FBXO5: variants seen among roughly 807,000 people sequenced by gnomAD.
FBXO5 encodes F-box protein 5, also known as F-box only protein 5.
Under a neutral mutation model 43.3 loss-of-function variants are expected in FBXO5, and 8 were observed. That is an observed-to-expected ratio of 0.18 (90% CI 0.11 to 0.33). The LOEUF is 0.33. FBXO5 is among the 10% of genes least tolerant of loss of function. The pLI is 1.00. For synonymous variants in FBXO5, 204 were observed against 193.7 expected (o/e 1.05, Z -0.44); for missense variants, 491 against 535.7 (o/e 0.92, Z 0.82).
At chr6:152,982,794 C>T in intron 1 of FBXO5, 63 bp downstream of exon 1, 3 of 1,172,732 alleles carry the variant, frequency 2.6e-6, no homozygotes, top group Non-Finnish European at 2.3e-6. Context: ...TCTCAGGCTG[C>T]GACCCTCCCC....
At chr6:152,982,764 C>A in intron 1 of FBXO5, 93 bp downstream of exon 1, 1 of 886,152 alleles carries the variant, frequency 1.1e-6, no homozygotes. Flanking sequence ...GTCCAGGCTC[C>A]GAGGGACGTC....
Position 152,975,319 on chromosome 6 carries a change from G to A in FBXO5, c.406C>T (p.Leu136=), listed in dbSNP as rs912885237. ...TLNSTNEIEA[L]ETSRLYEDSG... ...TCTTCATAAAGTCTACTGGTCTCTA[G>A]TGCTTCTATTTCATTTGTACTATTA... is the stretch of plus-strand genomic sequence containing the variant. Residue 136 remains leucine (L), a synonymous_variant, in exon 2 of 5, where the codon CTA becomes TTA. Coordinates refer to ENST00000229758, the MANE Select transcript of FBXO5 (RefSeq NM_012177.5). 3.1e-6 allele frequency: 5 copies of A among 1,614,158 alleles called. No individual in the cohort carries two copies. The African/African-American group carries it at 4.0e-5, about 13-fold the overall frequency.
rs762190172 is a variant in FBXO5, at chr6:152,973,130, A to C, written c.825T>G (p.Ser275=). ...QLSDMDLINV[S]KVSTTWKKIL... The stretch of plus-strand genomic sequence containing the variant: ...TCTTCTTCCAAGTTGTGCTCACTTT[A>C]GACACACTGGAAAAGTAAATCACCA... Residue 275 remains serine (S), a synonymous_variant, in exon 3 of 5, where the codon TCT becomes TCG. Coordinates refer to ENST00000229758, the MANE Select transcript of FBXO5 (RefSeq NM_012177.5). The C allele has an allele frequency of 3.1e-6, 5 of 1,612,728 alleles. No individual in the cohort carries two copies. In the East Asian group the frequency reaches 1.1e-4, roughly 36 times the overall value.
intron 1 of FBXO5, among the ~76,000 whole-genome samples, chr6:152,980,882 G>A (rs1778249037): frequency 6.6e-6 from 1 of 152,122 alleles, no homozygotes; most frequent in South Asian, 2.1e-4. Flanking sequence ...TCCATAAAAT[G>A]GGAGTAAGAC....
At chr6:152,979,147 A>G (rs1244764771) in intron 1 of FBXO5, among the ~76,000 whole-genome samples, 1 of 152,210 alleles carries the variant, frequency 6.6e-6, no homozygotes, top group Non-Finnish European at 1.5e-5. Context: ...ACAACAAATT[A>G]ACCAATATTG....
chr6:152,976,828 G>A (rs1398252707), intron 1 of FBXO5, among the ~76,000 whole-genome samples: 1 of 152,174 alleles, frequency 6.6e-6, no homozygotes, highest in African/African-American at 2.4e-5. Flanking sequence ...CACCATCCCT[G>A]TGCTACAGAC....
chr6:152,979,350 G>T lies in FBXO5; in HGVS notation c.103+3507C>A, dbSNP rs565620339. On this transcript the variant is annotated intron_variant, in intron 1 of 4. Coordinates refer to ENST00000229758, the MANE Select transcript of FBXO5 (RefSeq NM_012177.5). ...TCTGAGAAATACTGGTTATTTTGTA[G>T]CCTGTTCCACAATTAGGATTTGTCA... is the stretch of plus-strand genomic sequence containing the variant. Among the ~76,000 whole-genome samples the T allele has an allele frequency of 2.0e-5, 3 of 152,266 alleles. No homozygotes were observed. In the East Asian group the frequency reaches 5.8e-4, roughly 29 times the overall value.
chr6:152,976,536 T>C (rs987591704), intron 1 of FBXO5, among the ~76,000 whole-genome samples: 1 of 152,200 alleles, frequency 6.6e-6, no homozygotes, highest in Non-Finnish European at 1.5e-5. Flanking sequence ...ACCGTAAGTA[T>C]GAATAGTTCT....
intron 1 of FBXO5, among the ~76,000 whole-genome samples, chr6:152,981,329 A>G (rs1778254550): frequency 1.3e-5 from 2 of 152,206 alleles, no homozygotes; most frequent in Non-Finnish European, 2.9e-5. Flanking sequence ...TCCATATCAA[A>G]TATCATAAAT....
intron 1 of FBXO5, among the ~76,000 whole-genome samples, chr6:152,982,474 G>C (rs1477208616): frequency 6.6e-6 from 1 of 152,126 alleles, no homozygotes; most frequent in Admixed American, 6.5e-5. Flanking sequence ...TGTCACCGCC[G>C]GGGGCCCCGG....
chr6:152,972,421 T>G lies in FBXO5; in HGVS notation c.943A>C (p.Thr315Pro), dbSNP rs1226967508. 1 of 1,607,236 alleles carries G rather than the reference T, an allele frequency of 6.2e-7. No individual in the cohort carries two copies. Among genetic ancestry groups the G allele is most frequent in the Non-Finnish European group, 8.5e-7 (1 of 1,176,910 alleles). ...GTTCTGAACATAACATATTCTCTGG[T>G]TGAAGCATGAGGTGAAAATTTATTG... ...NNNKFSPHAS[T>P]REYVMFRTPL... The change falls in exon 4 of 5, where the codon ACC (threonine) becomes CCC (proline). Residue 315 changes from threonine (T) to proline (P), a missense_variant. Transcript: ENST00000229758.
At position 152,980,611 on chromosome 6, in the gene FBXO5, A is replaced by G. The variant is rs538418289; in HGVS notation, c.103+2246T>C. ...GTAAGTAGAAGCAGAGAGAATAGTT[A>G]GAAGTGTTTATGACAGAAGTAGAGT... On this transcript the variant is annotated intron_variant, in intron 1 of 4. Transcript: ENST00000229758. Among the ~76,000 whole-genome samples the G allele has an allele frequency of 3.3e-5, 5 of 152,348 alleles. No individual in the cohort carries two copies. In the South Asian group the frequency reaches 1.0e-3, roughly 32 times the overall value.
intron 1 of FBXO5, among the ~76,000 whole-genome samples, chr6:152,977,556 C>T (rs939731306): frequency 8.5e-5 from 13 of 152,254 alleles, no homozygotes; most frequent in African/African-American, 3.1e-4. Context: ...AAAGAATATA[C>T]AAATTCTAGC....
Position 152,975,081 on chromosome 6 carries a change from A to C in FBXO5, c.644T>G (p.Val215Gly). Residue 215 changes from valine to glycine, a missense_variant, in exon 2 of 5, where the codon GTA becomes GGA. Coordinates refer to ENST00000229758, the MANE Select transcript of FBXO5 (RefSeq NM_012177.5). Reference protein sequence around the residue: ...LKKNAKRNPKVDREMLKEIIA... With the variant: ...LKKNAKRNPKGDREMLKEIIA... ...AATTTCCTTCAGCATCTCCCGATCT[A>C]CTTTAGGATTTCGTTTTGCATTCTT... 1 of 1,614,180 alleles carries C rather than the reference A, an allele frequency of 6.2e-7. No individual in the cohort carries two copies. The highest frequency in any genetic ancestry group is 2.2e-5 in the East Asian group (1 of 44,886).
intron 1 of FBXO5, among the ~76,000 whole-genome samples, chr6:152,979,155 T>C (rs543126603): frequency 2.0e-5 from 3 of 152,334 alleles, no homozygotes; most frequent in East Asian, 3.9e-4. Flanking sequence ...TTAACCAATA[T>C]TGTTGCATTA....
chr6:152,971,284 T>G lies in FBXO5; in HGVS notation c.1223A>C (p.Lys408Thr). 6.2e-7 allele frequency: 1 copy of G among 1,614,092 alleles called. No individual in the cohort carries two copies. Residue 408 changes from lysine to threonine, a missense_variant, in exon 5 of 5, where the codon AAG becomes ACG. Coordinates refer to ENST00000229758, the MANE Select transcript of FBXO5 (RefSeq NM_012177.5). ...REGCGFDYCT[K>T]CLCNYHTTKD... ...AGTAGTATGATAATTACAGAGACAC[T>G]TCGTACAATAATCAAATCCACAGCC...
intron 1 of FBXO5, among the ~76,000 whole-genome samples, chr6:152,979,696 A>G (rs1778232636): frequency 6.6e-6 from 1 of 152,236 alleles, no homozygotes; most frequent in Admixed American, 6.5e-5. Context: ...ACTTTGGGTT[A>G]TAATCCAATA....
At chr6:152,972,206 A>G in intron 4 of FBXO5, 66 bp downstream of exon 4, 1 of 1,232,464 alleles carries the variant, frequency 8.1e-7, no homozygotes, top group Non-Finnish European at 1.1e-6. Context: ...TGACCTTGAA[A>G]GTTCTTTTAC....
At chr6:152,975,879 G>A (rs1414551371) in intron 1 of FBXO5, among the ~76,000 whole-genome samples, 1 of 152,066 alleles carries the variant, frequency 6.6e-6, no homozygotes, top group African/African-American at 2.4e-5. Flanking sequence ...ACTGCTTTTG[G>A]ATCTGCCTGG....
Sources: gnomAD v4.1 joint callset for allele counts (sites outside exome capture counted in the v4.1 genomes callset) on GRCh38, gnomAD v4.1.1 for gene constraint, MANE v1.5 for transcripts, NCBI Gene and HGNC (gene_info 2026-07-23, HGNC 2026-07-21) for gene names.